The following TMEM117 variants were observed in gnomAD, a reference collection of about 807,000 sequenced individuals.
TMEM117 encodes transmembrane protein 117.
In TMEM117, 27 loss-of-function variants were observed where a neutral mutation model predicts 52.4. That is an observed-to-expected ratio of 0.51 (90% confidence interval 0.38 to 0.71). The LOEUF is 0.71. TMEM117 is among the 30% of genes least tolerant of loss of function. The pLI is 0.00. For synonymous variants in TMEM117, 215 were observed against 206.3 expected (o/e 1.04, Z -0.36); for missense variants, 556 against 630.5 (o/e 0.88, Z 1.26).
At chr12:43,949,839 G>C (rs749083781) in intron 3 of TMEM117, among the ~76,000 whole-genome samples, 1 of 152,074 alleles carries the variant, frequency 6.6e-6, no homozygotes, top group African/African-American at 2.4e-5. Context: ...AATATCTCCC[G>C]GGGAACTGCT....
intron 3 of TMEM117, among the ~76,000 whole-genome samples, chr12:44,114,336 T>C (rs1948096385): frequency 6.6e-6 from 1 of 152,158 alleles, no homozygotes; most frequent in African/African-American, 2.4e-5. Context: ...CAACCAAAAA[T>C]GAGTGAATGG....
At chr12:43,943,779 T>TGATA (rs1452542469) in intron 2 of TMEM117, among the ~76,000 whole-genome samples, 4 of 152,206 alleles carry the variant, frequency 2.6e-5, no homozygotes, top group African/African-American at 9.6e-5. Flanking sequence ...GGCCTTGGTT[T>TGATA]TATCATCTGG....
chr12:43,812,022 TATTA>T, the TMEM117 span, among the ~76,000 whole-genome samples: 1 of 152,202 alleles, frequency 6.6e-6, no homozygotes, highest in Non-Finnish European at 1.5e-5. Context: ...TCAGCATTTT[TATTA>T]AATATTGACT....
At chr12:44,311,873 ATATGTATATATGTATATATATG>A (rs1950992405) in intron 6 of TMEM117, among the ~76,000 whole-genome samples, 2 of 124,816 alleles carry the variant, frequency 1.6e-5, no homozygotes, top group East Asian at 2.0e-4. Context: ...ATATGTATAT[ATATGTATATATGTATATATATG>A]TGTATATATA....
At chr12:43,941,070 T>C (rs1405769137) in intron 2 of TMEM117, among the ~76,000 whole-genome samples, 1 of 152,190 alleles carries the variant, frequency 6.6e-6, no homozygotes, top group Non-Finnish European at 1.5e-5. Flanking sequence ...TGTTCTAAGC[T>C]GTATTTTCTA....
chr12:44,246,645 G>A (rs996109442), intron 5 of TMEM117, among the ~76,000 whole-genome samples: 19 of 152,054 alleles, frequency 1.2e-4, no homozygotes, highest in Non-Finnish European at 2.6e-4. Flanking sequence ...AACTCAATTA[G>A]CGTCCAGGTC....
At chr12:44,157,737 A>AG (rs1948846286) in intron 4 of TMEM117, among the ~76,000 whole-genome samples, 1 of 152,180 alleles carries the variant, frequency 6.6e-6, no homozygotes, top group South Asian at 2.1e-4. Flanking sequence ...GTGTTCTGTA[A>AG]GGAATGCTTA....
intron 6 of TMEM117, among the ~76,000 whole-genome samples, chr12:44,355,654 G>A (rs187374732): frequency 1.4e-4 from 22 of 152,186 alleles, no homozygotes; most frequent in Non-Finnish European, 1.9e-4. Flanking sequence ...GCCACCCTCC[G>A]AAATGTAGGC....
intron 5 of TMEM117, among the ~76,000 whole-genome samples, chr12:44,230,728 A>G (rs113896389): frequency 9.9e-5 from 15 of 152,142 alleles, no homozygotes; most frequent in African/African-American, 3.4e-4. Context: ...TAGAATCTCA[A>G]AGCTGATATT....
rs138712714 is a variant in TMEM117 at position 44,083,264 on chromosome 12, A to G, written c.411-60261A>G. On this transcript the variant is annotated intron_variant, in intron 3 of 7. Transcript: ENST00000266534. Reference sequence around the variant, plus strand: ...TTGAACATTTATGTTCAGTAACATAAATAACATACTAAATTATCATATAAT... The same window carrying G: ...TTGAACATTTATGTTCAGTAACATAGATAACATACTAAATTATCATATAAT... Among the ~76,000 whole-genome samples, 826 of 152,276 alleles carry G rather than the reference A, an allele frequency of 5.4e-3. 7 individuals carry two copies. Among genetic ancestry groups the G allele is most frequent in the African/African-American group, 0.018 (748 of 41,560 alleles).
chr12:44,292,557 A>T (rs899865685), intron 5 of TMEM117, among the ~76,000 whole-genome samples: 1 of 151,852 alleles, frequency 6.6e-6, no homozygotes, highest in Middle Eastern at 3.4e-3. Flanking sequence ...TTAGCGTTTT[A>T]TTTGGGATCT....
intron 3 of TMEM117, among the ~76,000 whole-genome samples, chr12:43,999,342 G>A (rs1946080537): frequency 6.6e-6 from 1 of 152,174 alleles, no homozygotes; most frequent in African/African-American, 2.4e-5. Context: ...TTGTGACCAT[G>A]AGGCTAAGTG....
chr12:44,331,965 A>G (rs541236508), intron 6 of TMEM117, among the ~76,000 whole-genome samples: 2 of 152,242 alleles, frequency 1.3e-5, no homozygotes, highest in South Asian at 4.1e-4. Flanking sequence ...ATTAATTAAG[A>G]TAAGATTTAT....
At position 43,848,018 on chromosome 12, in the gene TMEM117, G is replaced by A. The variant is rs182309109; in HGVS notation, c.277+3090G>A. 1.4e-4 allele frequency among the ~76,000 whole-genome samples: 22 copies of A among 152,226 alleles called. No homozygotes were observed. The East Asian group carries it at 2.9e-3, about 20-fold the overall frequency. ...TTTTATTAAGGGTTTCAAAAGGGGC[G>A]GGGGTGTAAGAACAGAGAGTAGGTA... On this transcript the variant is annotated intron_variant, in intron 2 of 7. Transcript: ENST00000266534.
chr12:43,803,873 ATTTT>A, the TMEM117 span, among the ~76,000 whole-genome samples: 84 of 152,126 alleles, frequency 5.5e-4, no homozygotes, highest in Non-Finnish European at 1.0e-3. Context: ...CCACTGGAAT[ATTTT>A]AATATATTCA....
At chr12:44,215,641 CT>C (rs1355429740) in intron 5 of TMEM117, among the ~76,000 whole-genome samples, 3 of 152,040 alleles carry the variant, frequency 2.0e-5, no homozygotes, top group African/African-American at 4.8e-5. Context: ...TTCTATCCCC[CT>C]GATTTGTGTA....
At chr12:44,074,434 C>G (rs1006736861) in intron 3 of TMEM117, among the ~76,000 whole-genome samples, 1 of 151,968 alleles carries the variant, frequency 6.6e-6, no homozygotes, top group South Asian at 2.1e-4. Context: ...ATTAAATTTA[C>G]GAAGTCTCAG....
At chr12:43,998,654 G>A (rs1276428466) in intron 3 of TMEM117, among the ~76,000 whole-genome samples, 1 of 152,102 alleles carries the variant, frequency 6.6e-6, no homozygotes, top group Non-Finnish European at 1.5e-5. Flanking sequence ...TCATGATTTT[G>A]AGTAGACAGT....
rs77321351 is a variant in TMEM117, at chr12:44,104,587, G to A, written c.411-38938G>A. The stretch of plus-strand genomic sequence containing the variant: ...TCTTTCTCCAACACTTTTCCTTTAT[G>A]TGGCTCTGAGTTTCTGACCTATATA... On this transcript the variant is annotated intron_variant, in intron 3 of 7. Coordinates refer to ENST00000266534, the MANE Select transcript of TMEM117 (RefSeq NM_032256.3). Among the ~76,000 whole-genome samples the A allele has an allele frequency of 4.6e-4, 70 of 151,970 alleles. 3 individuals are homozygous for A. The East Asian group carries it at 0.011, about 25-fold the overall frequency.
Sources: gnomAD v4.1 joint callset for allele counts (sites outside exome capture counted in the v4.1 genomes callset) on GRCh38, gnomAD v4.1.1 for gene constraint, MANE v1.5 for transcripts, NCBI Gene and HGNC (gene_info 2026-07-23, HGNC 2026-07-21) for gene names.